Variants in ADAMTS12 observed in about 807,000 individuals in gnomAD.
ADAMTS12 encodes A disintegrin and metalloproteinase with thrombospondin motifs 12.
ADAMTS12 carries 118 observed loss-of-function variants against 167.8 expected under a neutral mutation model. That is an observed-to-expected ratio of 0.70 (90% CI 0.61 to 0.82). The LOEUF is 0.82. ADAMTS12 is among the 40% of genes least tolerant of loss of function. The probability of loss-of-function intolerance (pLI) is 0.00; values close to 1 mark genes in which losing one functional copy is unlikely to be tolerated. For missense variants in ADAMTS12, 1,916 were observed against 1,998.8 expected (o/e 0.96, Z 0.79); for synonymous variants, 704 against 716.9 (o/e 0.98, Z 0.29).
intron 19 of ADAMTS12, among the ~76,000 whole-genome samples, chr5:33,562,550 T>C (rs1260843755): frequency 1.3e-5 from 2 of 151,838 alleles, no homozygotes; most frequent in African/African-American, 2.4e-5. Flanking sequence ...GTTCCATCTA[T>C]GACATGCTTG....
intron 12 of ADAMTS12, among the ~76,000 whole-genome samples, chr5:33,636,116 C>G (rs1033021308): frequency 7.2e-5 from 11 of 152,094 alleles, no homozygotes; most frequent in Admixed American, 1.3e-4. Context: ...AATGCTGAAT[C>G]AAATATTTTT....
intron 3 of ADAMTS12, among the ~76,000 whole-genome samples, chr5:33,722,631 C>T (rs1743845023): frequency 6.6e-6 from 1 of 152,186 alleles, no homozygotes; most frequent in South Asian, 2.1e-4. Flanking sequence ...CACAGTTTGG[C>T]TATGCAGAAA....
intron 3 of ADAMTS12, among the ~76,000 whole-genome samples, chr5:33,724,464 A>C (rs1743903863): frequency 6.6e-6 from 1 of 152,132 alleles, no homozygotes; most frequent in African/African-American, 2.4e-5. Flanking sequence ...GAATACATTA[A>C]CCATGTGTTC....
At chr5:33,537,743 G>A (rs192027210) in intron 22 of ADAMTS12, among the ~76,000 whole-genome samples, 2 of 152,318 alleles carry the variant, frequency 1.3e-5, no homozygotes, top group East Asian at 3.9e-4. Flanking sequence ...CCAATAGACT[G>A]CCAATTTGAC....
chr5:33,887,445 G>C, intron 1 of ADAMTS12, among the ~76,000 whole-genome samples: 1 of 152,286 alleles, frequency 6.6e-6, no homozygotes, highest in East Asian at 1.9e-4. Context: ...AAGGCGGGTT[G>C]TCAATAAGGT....
chr5:33,557,778 G>A (rs532954662), intron 20 of ADAMTS12, among the ~76,000 whole-genome samples: 22 of 152,280 alleles, frequency 1.4e-4, no homozygotes, highest in South Asian at 8.3e-4. Context: ...AGCAGGAGGT[G>A]AGCATCGGGC....
At chr5:33,842,730 A>G (rs937257715) in intron 2 of ADAMTS12, among the ~76,000 whole-genome samples, 7 of 152,222 alleles carry the variant, frequency 4.6e-5, no homozygotes, top group African/African-American at 1.7e-4. Context: ...GAGACCCTGT[A>G]GGTGACCCAT....
At chr5:33,732,576 A>G (rs1744232720) in intron 3 of ADAMTS12, among the ~76,000 whole-genome samples, 3 of 152,184 alleles carry the variant, frequency 2.0e-5, no homozygotes, top group Admixed American at 2.0e-4. Flanking sequence ...AGAAATAATT[A>G]GGGCACTCCT....
chr5:33,790,782 C>CAT (rs10622464), intron 2 of ADAMTS12, among the ~76,000 whole-genome samples: 22,447 of 133,636 alleles, frequency 0.17, 1,704 homozygotes, highest in East Asian at 0.22. Flanking sequence ...GACATACAAA[C>CAT]ATATATATAT....
At chr5:33,861,242 G>T (rs189089890) in intron 2 of ADAMTS12, among the ~76,000 whole-genome samples, 2 of 152,232 alleles carry the variant, frequency 1.3e-5, no homozygotes, top group Non-Finnish European at 2.9e-5. Context: ...CTGGCAAATT[G>T]GATAGAGTCA....
chr5:33,594,205 T>C (rs1265725353), intron 17 of ADAMTS12, among the ~76,000 whole-genome samples: 2 of 152,204 alleles, frequency 1.3e-5, no homozygotes, highest in East Asian at 3.9e-4. Context: ...GATGGCTTTA[T>C]TAGGGCAAAA....
intron 2 of ADAMTS12, among the ~76,000 whole-genome samples, chr5:33,771,262 C>A (rs1745728980): frequency 6.6e-6 from 1 of 152,070 alleles, no homozygotes; most frequent in Admixed American, 6.6e-5. Flanking sequence ...ATCTTTATTC[C>A]TTTAGCTTAA....
chr5:33,822,069 T>C (rs1196420579), intron 2 of ADAMTS12, among the ~76,000 whole-genome samples: 2 of 152,170 alleles, frequency 1.3e-5, no homozygotes, highest in South Asian at 2.1e-4. Context: ...AAATAACTAC[T>C]ATATTTTTCC....
At chr5:33,884,570 G>C (rs1247654659) in intron 1 of ADAMTS12, among the ~76,000 whole-genome samples, 1 of 152,158 alleles carries the variant, frequency 6.6e-6, no homozygotes, top group Non-Finnish European at 1.5e-5. Context: ...GGGCACAGTA[G>C]GGGGGATGAA....
At position 33,735,594 on chromosome 5, in the gene ADAMTS12, A is replaced by G. The variant is rs547650745; in HGVS notation, c.634+15810T>C. On this transcript the variant is annotated intron_variant, in intron 3 of 23. Coordinates refer to ENST00000504830, the MANE Select transcript of ADAMTS12 (RefSeq NM_030955.4). ...ATGGACTGTAGTTGCCTGGCCCCTCATCTAGACACTAGACCAATTTCTGGT... is the reference window on the plus strand; with the variant it reads ...ATGGACTGTAGTTGCCTGGCCCCTCGTCTAGACACTAGACCAATTTCTGGT... 3.5e-4 allele frequency among the ~76,000 whole-genome samples: 54 copies of G among 152,236 alleles called. 1 individual carries two copies. The South Asian group carries it at 0.011, about 31-fold the overall frequency.
chr5:33,528,501 T>A (rs941224410), intron 23 of ADAMTS12, among the ~76,000 whole-genome samples: 1 of 152,276 alleles, frequency 6.6e-6, no homozygotes, highest in Non-Finnish European at 1.5e-5. Flanking sequence ...AGTATTGCTA[T>A]GGAAATAGTT....
intron 2 of ADAMTS12, among the ~76,000 whole-genome samples, chr5:33,787,292 G>A (rs1471602263): frequency 6.6e-6 from 1 of 152,202 alleles, no homozygotes; most frequent in Non-Finnish European, 1.5e-5. Context: ...ACGGTTGTTA[G>A]AAGAAAGACA....
chr5:33,865,305 T>A (rs1235358499), intron 2 of ADAMTS12, among the ~76,000 whole-genome samples: 1 of 152,194 alleles, frequency 6.6e-6, no homozygotes, highest in East Asian at 1.9e-4. Context: ...ACCCCAGGGA[T>A]GTAGGGACGA....
chr5:33,774,972 C>A lies in ADAMTS12; in HGVS notation c.490-23424G>T, dbSNP rs117173477. Among the ~76,000 whole-genome samples, 113 of 152,146 alleles carry A rather than the reference C, an allele frequency of 7.4e-4. 1 individual carries two copies. The East Asian group carries it at 0.02, about 26-fold the overall frequency. On this transcript the variant is annotated intron_variant, in intron 2 of 23. Coordinates refer to ENST00000504830, the MANE Select transcript of ADAMTS12 (RefSeq NM_030955.4). ...TCTAGGTAGACGGAAGGGATGAATG[C>A]GGTAAAAATACAGATTCTTAGTCTC...
Sources: gnomAD v4.1 joint callset for allele counts (sites outside exome capture counted in the v4.1 genomes callset) on GRCh38, gnomAD v4.1.1 for gene constraint, MANE v1.5 for transcripts, NCBI Gene and HGNC (gene_info 2026-07-23, HGNC 2026-07-21) for gene names.